The following RGS22 variants were observed in gnomAD, a reference collection of about 807,000 sequenced individuals.
RGS22 encodes the protein regulator of G-protein signaling 22.
In RGS22, 148 loss-of-function variants were observed where a neutral mutation model predicts 172.9. The observed-to-expected ratio is 0.86, with a 90% confidence interval of 0.75 to 0.98. RGS22 has a LOEUF of 0.98. RGS22 is among the 50% of genes least tolerant of loss of function. The pLI, the probability that RGS22 is intolerant of heterozygous loss-of-function variation, is 0.00. For missense variants in RGS22, 1,347 were observed against 1,440.8 expected, an observed-to-expected ratio of 0.93 and a Z score of 1.05; for synonymous variants, 458 against 480.2, an observed-to-expected ratio of 0.95 and a Z score of 0.60.
In RGS22 at chr8:100,027,312, T is replaced by C. The variant is rs536358641; in HGVS notation, c.2166+11619A>G. 3.3e-5 allele frequency among the ~76,000 whole-genome samples: 5 copies of C among 152,224 alleles called. No homozygotes were observed. In the South Asian group the frequency reaches 1.0e-3, roughly 32 times the overall value. On this transcript the variant is annotated intron_variant, in intron 14 of 27. Coordinates refer to ENST00000360863, the MANE Select transcript of RGS22 (RefSeq NM_015668.5). ...CTTTGTAATTATCTCCTTCCCCCAC[T>C]AGAGAGTGAGACTTCTAAGTCAAGA...
chr8:99,976,344 ACT>A (rs1220268593), intron 23 of RGS22, among the ~76,000 whole-genome samples: 1 of 152,076 alleles, frequency 6.6e-6, no homozygotes, highest in Non-Finnish European at 1.5e-5. Context: ...TGCATGAAAC[ACT>A]GTCTTTTGTT....
chr8:99,995,396 C>T (rs112640602), intron 20 of RGS22, among the ~76,000 whole-genome samples: 26,839 of 152,078 alleles, frequency 0.18, 2,511 homozygotes, highest in South Asian at 0.23. Flanking sequence ...CCAGAATCTA[C>T]GAAGAGCTCA....
chr8:100,038,997 C>T lies in RGS22; in HGVS notation c.2100G>A (p.Leu700=). The T allele has an allele frequency of 6.2e-7, 1 of 1,612,078 alleles. No homozygotes were observed. Among genetic ancestry groups the T allele is most frequent in the Non-Finnish European group, 8.5e-7 (1 of 1,178,782 alleles). The change falls in exon 14 of 28, where the codon CTG becomes CTA. Residue 700 remains leucine (L), a synonymous_variant. Coordinates refer to ENST00000360863, the MANE Select transcript of RGS22 (RefSeq NM_015668.5). ...WKNSVYFWFD[L]QAYHQLFYQE... ...GGTAGAAAAGCTGATGATAAGCCTG[C>T]AGGTCAAACCAAAAGTACACACTGT...
intron 14 of RGS22, among the ~76,000 whole-genome samples, chr8:100,037,274 A>T (rs1819608348): frequency 6.6e-6 from 1 of 152,210 alleles, no homozygotes. Context: ...AGCCTGCGTG[A>T]CAGGGCAAGA....
At chr8:100,051,298 T>C (rs1821252443) in intron 10 of RGS22, among the ~76,000 whole-genome samples, 1 of 150,320 alleles carries the variant, frequency 6.7e-6, no homozygotes, top group Non-Finnish European at 1.5e-5. Context: ...AGCAGGAGCT[T>C]ATACAACTGT....
chr8:100,101,638 T>G (rs997478129), intron 2 of RGS22, among the ~76,000 whole-genome samples: 1 of 151,842 alleles, frequency 6.6e-6, no homozygotes, highest in Non-Finnish European at 1.5e-5. Flanking sequence ...CACTTTAAAC[T>G]TTCTCAATGT....
chr8:100,041,336 G>GA (rs1820087250), intron 12 of RGS22, among the ~76,000 whole-genome samples: 1 of 151,840 alleles, frequency 6.6e-6, no homozygotes, highest in African/African-American at 2.4e-5. Context: ...TAAAAATACA[G>GA]AAAAGTTAGC....
intron 9 of RGS22, among the ~76,000 whole-genome samples, chr8:100,054,108 G>A (rs1822000155): frequency 6.6e-6 from 1 of 151,950 alleles, no homozygotes; most frequent in African/African-American, 2.4e-5. Flanking sequence ...CAATATTAAG[G>A]CCACACTTAA....
chr8:99,976,350 T>TTTTGTTTG (rs532250376), intron 23 of RGS22, among the ~76,000 whole-genome samples: 4 of 152,056 alleles, frequency 2.6e-5, no homozygotes, highest in East Asian at 1.9e-4. Context: ...AAACACTGTC[T>TTTTGTTTG]TTTGTTTGTT....
chr8:100,050,663 TCTACAGTTACTGCAGC>T (rs1432145514), intron 10 of RGS22, among the ~76,000 whole-genome samples: 1 of 152,216 alleles, frequency 6.6e-6, no homozygotes, highest in Non-Finnish European at 1.5e-5. Flanking sequence ...ACAGGTCGTA[TCTACAGTTACTGCAGC>T]TCTATGCCAA....
At chr8:100,070,196 GTGGAGAC>G (rs1810865875) in intron 6 of RGS22, among the ~76,000 whole-genome samples, 1 of 152,106 alleles carries the variant, frequency 6.6e-6, no homozygotes, top group Non-Finnish European at 1.5e-5. Flanking sequence ...GGATAACAGT[GTGGAGAC>G]TGCTAAGTTG....
At chr8:99,987,983 TTTTA>T (rs2131250343) in intron 20 of RGS22, among the ~76,000 whole-genome samples, 1 of 151,576 alleles carries the variant, frequency 6.6e-6, no homozygotes, top group East Asian at 1.9e-4. Context: ...ACATTATTTA[TTTTA>T]TTATTACATG....
intron 11 of RGS22, among the ~76,000 whole-genome samples, chr8:100,043,910 C>T (rs1360053188): frequency 6.6e-6 from 1 of 152,072 alleles, no homozygotes; most frequent in Non-Finnish European, 1.5e-5. Flanking sequence ...ACCAACCTTA[C>T]AGAAATTAAA....
At chr8:100,051,430 A>G (rs1437280537) in intron 10 of RGS22, among the ~76,000 whole-genome samples, 1 of 109,448 alleles carries the variant, frequency 9.1e-6, no homozygotes, top group African/African-American at 3.7e-5. Flanking sequence ...ATACATTTAT[A>G]TATTTATATA....
intron 22 of RGS22, among the ~76,000 whole-genome samples, chr8:99,980,820 C>T (rs995218124): frequency 6.6e-6 from 1 of 152,126 alleles, no homozygotes; most frequent in Non-Finnish European, 1.5e-5. Flanking sequence ...ATGGGTAAGT[C>T]CTGGCCTGGT....
chr8:100,049,714 AAGC>A (rs1821081692), intron 10 of RGS22, among the ~76,000 whole-genome samples: 1 of 152,204 alleles, frequency 6.6e-6, no homozygotes, highest in Non-Finnish European at 1.5e-5. Context: ...GTGGTCCCCA[AAGC>A]AGCAGCAAGA....
At chr8:99,966,795 T>C (rs1810783087) in intron 23 of RGS22, among the ~76,000 whole-genome samples, 1 of 152,224 alleles carries the variant, frequency 6.6e-6, no homozygotes, top group South Asian at 2.1e-4. Context: ...CTACTTTTCA[T>C]TTCTAGAACT....
chr8:100,092,277 C>A (rs1812643062), intron 3 of RGS22, among the ~76,000 whole-genome samples: 1 of 151,988 alleles, frequency 6.6e-6, no homozygotes, highest in South Asian at 2.1e-4. Context: ...ATCTTTTAAC[C>A]AGCATTCCTT....
intron 24 of RGS22, among the ~76,000 whole-genome samples, chr8:99,963,193 A>G (rs1810392680): frequency 6.6e-6 from 1 of 152,188 alleles, no homozygotes; most frequent in African/African-American, 2.4e-5. Context: ...ATTATTATCA[A>G]CCTACCTTAG....
Sources: allele counts gnomAD v4.1 joint callset (sites outside exome capture counted in the v4.1 genomes callset), GRCh38; gene constraint gnomAD v4.1.1; transcripts MANE v1.5; gene names NCBI Gene and HGNC (gene_info 2026-07-23, HGNC 2026-07-21).